HPRT1: variants seen among roughly 807,000 people sequenced by gnomAD.
HPRT1 encodes the protein hypoxanthine-guanine phosphoribosyltransferase.
A neutral mutation model predicts 19.0 loss-of-function variants in HPRT1; 4 were observed. That is an observed-to-expected ratio of 0.21 (90% confidence interval 0.10 to 0.48). The LOEUF (loss-of-function observed/expected upper bound fraction) is 0.48. Ranked by LOEUF, HPRT1 falls within the 20% of genes least tolerant of loss-of-function variation. The pLI, the probability that HPRT1 is intolerant of heterozygous loss-of-function variation, is 0.98. For missense variants in HPRT1, 65 were observed against 164.0 expected, an observed-to-expected ratio of 0.40 and a Z score of 3.30; for synonymous variants, 53 against 54.9, an observed-to-expected ratio of 0.97 and a Z score of 0.15.
At chrX:134,466,470 A>G (rs1328448055) in intron 1 of HPRT1, among the ~76,000 whole-genome samples, 1 of 109,521 alleles carries the variant, frequency 9.1e-6, no homozygotes, top group African/African-American at 3.3e-5. Context: ...AGAAGAGGTC[A>G]TGTGAGCACA....
At chrX:134,481,495 A>G (rs774347605) in intron 3 of HPRT1, among the ~76,000 whole-genome samples, 126 of 98,134 alleles carry the variant, frequency 1.3e-3, no homozygotes, top group Non-Finnish European at 1.2e-3. Context: ...CTCTATCTCT[A>G]TCTGTCTATC....
At chrX:134,475,983 G>A (rs1365783051) in intron 3 of HPRT1, among the ~76,000 whole-genome samples, 5 of 111,880 alleles carry the variant, frequency 4.5e-5, no homozygotes, top group Non-Finnish European at 9.4e-5. Flanking sequence ...TCGTGCAAAC[G>A]TTTGATTTTT....
intron 3 of HPRT1, among the ~76,000 whole-genome samples, chrX:134,477,065 TTA>T (rs1301621551): frequency 8.5e-5 from 9 of 106,021 alleles, no homozygotes; most frequent in Admixed American, 4.2e-4. Flanking sequence ...TTTTATTTAT[TTA>T]TTTTTTTTTT....
intron 1 of HPRT1, among the ~76,000 whole-genome samples, chrX:134,466,242 A>G (rs1460451883): frequency 9.1e-6 from 1 of 109,662 alleles, no homozygotes; most frequent in Non-Finnish European, 1.9e-5. Flanking sequence ...ATGTAGTGAA[A>G]CACCATCTCT....
chrX:134,470,169 T>C (rs2077607025), intron 1 of HPRT1, among the ~76,000 whole-genome samples: 1 of 112,377 alleles, frequency 8.9e-6, no homozygotes, highest in East Asian at 2.8e-4. Flanking sequence ...CTGCCTGCTG[T>C]ATAGCACTAT....
At position 134,472,822 on chromosome X, in the gene HPRT1, G is replaced by T. The variant is rs376415323; in HGVS notation, c.28-537G>T. ...ACTCCTGACCTCAGGTGATCCACCC[G>T]CCTCGGCCTCCCAAAGTGCTGGGAT... On this transcript the variant is annotated intron_variant, in intron 1 of 8. Transcript: ENST00000298556. Among the ~76,000 whole-genome samples the T allele has an allele frequency of 2.7e-5, 3 of 111,677 alleles. No individual in the cohort carries two copies. In the South Asian group the frequency reaches 1.1e-3, roughly 41 times the overall value.
intron 3 of HPRT1, among the ~76,000 whole-genome samples, chrX:134,479,134 C>CCA (rs2077632730): frequency 9.0e-6 from 1 of 111,699 alleles, no homozygotes. Context: ...CTGGCTTGAA[C>CCA]CCAGGAGTTC....
Position 134,475,298 on chromosome X carries a change from A to G in HPRT1, c.252A>G (p.Ala84=). Residue 84 remains alanine (A), a synonymous_variant, in exon 3 of 9, where the codon GCA becomes GCG. Transcript: ENST00000298556. ...FFADLLDYIK[A]LNRNSDRSIP... ...CTGACCTGCTGGATTACATCAAAGCACTGAATAGAAATAGTGATAGATCCA... is the reference window on the plus strand; with the variant it reads ...CTGACCTGCTGGATTACATCAAAGCGCTGAATAGAAATAGTGATAGATCCA... 1.7e-6 allele frequency: 2 copies of G among 1,200,069 alleles called. No homozygotes were observed. Among genetic ancestry groups the G allele is most frequent in the Non-Finnish European group, 2.3e-6 (2 of 884,845 alleles).
At chrX:134,498,871 C>T (rs1345894656) in intron 8 of HPRT1, among the ~76,000 whole-genome samples, 187 bp downstream of exon 8, 1 of 112,325 alleles carries the variant, frequency 8.9e-6, no homozygotes, top group Non-Finnish European at 1.9e-5. Context: ...GGTGACACTT[C>T]TTGTTGGCTG....
intron 1 of HPRT1, among the ~76,000 whole-genome samples, chrX:134,462,080 C>T (rs1463689841): frequency 1.8e-5 from 2 of 111,835 alleles, no homozygotes; most frequent in Non-Finnish European, 3.8e-5. Flanking sequence ...GGGTGATTCT[C>T]CCCAGGCTCA....
In HPRT1 at chrX:134,460,338, G is replaced by A; in HGVS notation, c.27G>A (p.Val9=). Residue 9 remains valine (V), a splice_region_variant and synonymous_variant, in exon 1 of 9, where the codon GTG becomes GTA. Transcript: ENST00000298556. ...TGGCGACCCGCAGCCCTGGCGTCGTGGTGAGCAGCTCGGCCTGCCGGCCCT... is the reference window on the plus strand; with the variant it reads ...TGGCGACCCGCAGCCCTGGCGTCGTAGTGAGCAGCTCGGCCTGCCGGCCCT... MATRSPGV[V]ISDDEPGYDL... 1 of 1,122,977 alleles carries A rather than the reference G, an allele frequency of 8.9e-7. No homozygotes were observed. Among genetic ancestry groups the A allele is most frequent in the East Asian group, 3.7e-5 (1 of 26,938 alleles). 92.5% of individuals were successfully genotyped at this position (1,122,977 alleles called of 1,213,427 possible).
chrX:134,477,015 GTTT>G (rs2077626825), intron 3 of HPRT1, among the ~76,000 whole-genome samples: 1 of 97,714 alleles, frequency 1.0e-5, no homozygotes, highest in Non-Finnish European at 2.0e-5. Context: ...TTATTGATAT[GTTT>G]ATTTTATTTT....
At position 134,496,846 on chromosome X, in the gene HPRT1, C is replaced by G. The variant is rs185654860; in HGVS notation, c.486-1544C>G. ...GGTGAGTTCTGGTTTTTTAAAGCTC[C>G]CAGGTGATTCTGATGTGCAATCCAG... On this transcript the variant is annotated intron_variant, in intron 6 of 8. Transcript: ENST00000298556. 8.1e-5 allele frequency among the ~76,000 whole-genome samples: 9 copies of G among 111,656 alleles called. No homozygotes were observed. In the East Asian group the frequency reaches 2.5e-3, roughly 31 times the overall value.
At chrX:134,473,533 C>T in intron 2 of HPRT1, 68 bp downstream of exon 2, 1 of 640,085 alleles carries the variant, frequency 1.6e-6, no homozygotes, top group Admixed American at 2.3e-5. Flanking sequence ...AGCAGCTGTT[C>T]TGAGTACTTG....
intron 6 of HPRT1, among the ~76,000 whole-genome samples, chrX:134,497,660 G>A (rs1469763987): frequency 9.3e-6 from 1 of 107,837 alleles, no homozygotes; most frequent in Non-Finnish European, 1.9e-5. Flanking sequence ...AGAAAAGAAT[G>A]TTGTGGCCAG....
At chrX:134,496,084 G>C (rs2077679715) in intron 6 of HPRT1, among the ~76,000 whole-genome samples, 1 of 112,222 alleles carries the variant, frequency 8.9e-6, no homozygotes, top group Non-Finnish European at 1.9e-5. Flanking sequence ...ATGAATACCT[G>C]TTTTCAGGTC....
In HPRT1 at chrX:134,500,094, G is replaced by A. The variant is rs1392326385; in HGVS notation, c.*17G>A. The A allele has an allele frequency of 1.8e-6, 2 of 1,124,583 alleles. No individual in the cohort carries two copies. Among genetic ancestry groups the A allele is most frequent in the Non-Finnish European group, 2.5e-6 (2 of 816,075 alleles). The allele number at this position is 1,124,583 out of a possible 1,213,427, so 92.7% of individuals were successfully genotyped here. Reference sequence around the variant, plus strand: ...AAAGCCTAAGATGAGAGTTCAAGTTGAGTTTGGAAACATCTGGAGTCCTAT... The same window carrying A: ...AAAGCCTAAGATGAGAGTTCAAGTTAAGTTTGGAAACATCTGGAGTCCTAT... On this transcript the variant is annotated 3_prime_UTR_variant, in exon 9 of 9. Transcript: ENST00000298556.
chrX:134,469,178 A>AC (rs1011425435), intron 1 of HPRT1, among the ~76,000 whole-genome samples: 8 of 109,722 alleles, frequency 7.3e-5, no homozygotes, highest in East Asian at 2.8e-4. Flanking sequence ...TTAAATTAGA[A>AC]CCCCCCCAAT....
chrX:134,486,421 G>A, intron 3 of HPRT1, 44 bp from the exon 4 acceptor site: 5 of 678,736 alleles, frequency 7.4e-6, no homozygotes, highest in Non-Finnish European at 1.1e-5. Context: ...ATACATATGT[G>A]TGTGTAGATA....
Sources: gnomAD v4.1 joint callset for allele counts (sites outside exome capture counted in the v4.1 genomes callset) on GRCh38, gnomAD v4.1.1 for gene constraint, MANE v1.5 for transcripts, NCBI Gene and HGNC (gene_info 2026-07-23, HGNC 2026-07-21) for gene names.